DHRS4: variants seen among roughly 807,000 people sequenced by gnomAD.
DHRS4 encodes the protein dehydrogenase/reductase 4.
A neutral mutation model predicts 28.4 loss-of-function variants in DHRS4; 20 were observed. That is an observed-to-expected ratio of 0.71 (90% confidence interval 0.50 to 1.02). The LOEUF (loss-of-function observed/expected upper bound fraction) is 1.02, where lower values mean the gene tolerates loss of function less well. Among genes scored for constraint, DHRS4 ranks in the 50% least tolerant of loss-of-function variants. DHRS4 has a pLI of 0.00. For synonymous variants in DHRS4, 144 were observed against 146.4 expected, an observed-to-expected ratio of 0.98 and a Z score of 0.12; for missense variants, 378 against 367.2, an observed-to-expected ratio of 1.03 and a Z score of -0.24.
intron 2 of DHRS4, among the ~76,000 whole-genome samples, chr14:23,956,784 G>A (rs112772981): frequency 0.23 from 34,624 of 151,634 alleles, 9,560 homozygotes; most frequent in African/African-American, 0.67. Context: ...TTGTATTTTT[G>A]GTAGAGACAG....
chr14:23,968,331 T>C (rs1002236431), intron 7 of DHRS4, among the ~76,000 whole-genome samples: 2 of 150,714 alleles, frequency 1.3e-5, no homozygotes, highest in Non-Finnish European at 2.9e-5. Flanking sequence ...TATAGATTCC[T>C]GAAAAAGTTC....
chr14:23,966,929 G>A (rs1237563865), intron 6 of DHRS4, among the ~76,000 whole-genome samples: 4 of 152,260 alleles, frequency 2.6e-5, no homozygotes, highest in African/African-American at 4.8e-5. Flanking sequence ...GCCGAGGCGG[G>A]CAGATCACGA....
At chr14:23,968,481 T>G (rs1038807993) in intron 7 of DHRS4, among the ~76,000 whole-genome samples, 7 of 150,754 alleles carry the variant, frequency 4.6e-5, no homozygotes, top group African/African-American at 1.2e-4. Context: ...TCTATATAAC[T>G]TTGGATTTTG....
intron 2 of DHRS4, among the ~76,000 whole-genome samples, chr14:23,959,090 G>C (rs1332845505): frequency 3.9e-5 from 6 of 152,278 alleles, no homozygotes; most frequent in Admixed American, 6.5e-5. Context: ...GAACTGGACA[G>C]TAAGCACTTG....
intron 3 of DHRS4, among the ~76,000 whole-genome samples, chr14:23,963,502 A>G (rs1446277885): frequency 6.8e-6 from 1 of 147,480 alleles, no homozygotes; most frequent in Non-Finnish European, 1.5e-5. Context: ...CTAGCTTCCA[A>G]CTTTTCCGGA....
At position 23,956,671 on chromosome 14, in the gene DHRS4, C is replaced by T. The variant is rs138073047; in HGVS notation, c.306+1459C>T. 5.9e-3 allele frequency among the ~76,000 whole-genome samples: 843 copies of T among 143,820 alleles called. 33 individuals carry two copies. In the East Asian group the frequency reaches 0.12, roughly 20 times the overall value. The allele number at this position is 143,820 out of a possible 152,430, so 94.4% of individuals were successfully genotyped here. The stretch of plus-strand genomic sequence containing the variant: ...CCAGGCTGAAGTGATATGGCACAAT[C>T]TCAGCTCACTGCAACCTCCGCCTCC... On this transcript the variant is annotated intron_variant, in intron 2 of 7. Transcript: ENST00000313250.
At chr14:23,954,887 A>G in intron 1 of DHRS4, 148 bp from the exon 2 acceptor site, 2 of 1,361,668 alleles carry the variant, frequency 1.5e-6, no homozygotes, top group East Asian at 2.5e-5. Flanking sequence ...CATGCCATTA[A>G]GCCTGTTTTA....
At chr14:23,959,400 A>G (rs925526899) in intron 2 of DHRS4, among the ~76,000 whole-genome samples, 24 of 152,172 alleles carry the variant, frequency 1.6e-4, no homozygotes, top group African/African-American at 5.8e-4. Context: ...TCTATAAAAA[A>G]TACAAAAATT....
At chr14:23,968,701 G>A in intron 7 of DHRS4, 56 bp from the exon 8 acceptor site, 3 of 1,594,422 alleles carry the variant, frequency 1.9e-6, no homozygotes, top group Admixed American at 3.5e-5. Context: ...TGTCCCAGGT[G>A]AGGGAGGCAG....
chr14:23,960,468 C>T (rs2033372084), intron 3 of DHRS4, among the ~76,000 whole-genome samples: 1 of 152,006 alleles, frequency 6.6e-6, no homozygotes, highest in Admixed American at 6.6e-5. Context: ...CCAGTTGCCA[C>T]TTTATAACAT....
intron 2 of DHRS4, among the ~76,000 whole-genome samples, chr14:23,958,313 C>T (rs2033257736): frequency 6.6e-6 from 1 of 152,146 alleles, no homozygotes; most frequent in Non-Finnish European, 1.5e-5. Flanking sequence ...AGATGGTGTA[C>T]ATTGTTAGTA....
At chr14:23,967,035 A>C (rs956848854) in intron 6 of DHRS4, among the ~76,000 whole-genome samples, 176 bp from the exon 7 acceptor site, 5 of 151,996 alleles carry the variant, frequency 3.3e-5, no homozygotes, top group African/African-American at 1.2e-4. Flanking sequence ...AGCGCCTGTA[A>C]TCCCAGCTAC....
Position 23,955,071 on chromosome 14 carries a change from C to T in DHRS4, c.165C>T (p.Asp55=), listed in dbSNP as rs527652442. 3.7e-6 allele frequency: 6 copies of T among 1,614,168 alleles called. No individual in the cohort carries two copies. The highest frequency in any genetic ancestry group is 2.7e-5 in the African/African-American group (2 of 75,064). Residue 55 remains aspartate (D), a synonymous_variant, in exon 2 of 8, where the codon GAC becomes GAT. Transcript: ENST00000313250. ...GFAIARRLAQ[D]GAHVVVSSRK... ...CCATCGCCCGGCGTTTGGCCCAGGA[C>T]GGGGCCCATGTGGTCGTCAGCAGCC...
rs2033754220 is a variant in DHRS4 at position 23,968,935 on chromosome 14, C to T, written c.*64C>T. The T allele has an allele frequency of 1.3e-6, 2 of 1,596,862 alleles. No individual in the cohort carries two copies. Among genetic ancestry groups the T allele is most frequent in the Non-Finnish European group, 1.7e-6 (2 of 1,171,422 alleles). On this transcript the variant is annotated 3_prime_UTR_variant, in exon 8 of 8. Transcript: ENST00000313250. ...GCTCCTGGTGCTGTTCCCGCATTCA[C>T]CCACTGGCCTTTCCCACCTCTGCTC...
At chr14:23,968,315 C>G (rs2033708503) in intron 7 of DHRS4, among the ~76,000 whole-genome samples, 1 of 150,568 alleles carries the variant, frequency 6.6e-6, no homozygotes, top group South Asian at 2.1e-4. Flanking sequence ...GACTTTAAGG[C>G]ACAAGTATAG....
chr14:23,959,159 G>T (rs1201032586), intron 2 of DHRS4, among the ~76,000 whole-genome samples: 1 of 152,200 alleles, frequency 6.6e-6, no homozygotes, highest in African/African-American at 2.4e-5. Context: ...AATAGATTTT[G>T]GGGTGAGACT....
chr14:23,968,687 C>G, intron 7 of DHRS4, 70 bp from the exon 8 acceptor site: 1 of 1,578,634 alleles, frequency 6.3e-7, no homozygotes, highest in South Asian at 1.2e-5. Context: ...AATTTAACTC[C>G]CTGTGTCCCA....
At chr14:23,965,856 G>C in intron 4 of DHRS4, 24 bp downstream of exon 4, 1 of 1,606,812 alleles carries the variant, frequency 6.2e-7, no homozygotes. Context: ...GAGAGAGCCT[G>C]GGTGAGAGGG....
chr14:23,958,763 G>T (rs1476796829), intron 2 of DHRS4, among the ~76,000 whole-genome samples: 1 of 152,136 alleles, frequency 6.6e-6, no homozygotes, highest in Non-Finnish European at 1.5e-5. Flanking sequence ...AATTAGCTCT[G>T]TGCTACAAAG....
Sources: allele counts gnomAD v4.1 joint callset (sites outside exome capture counted in the v4.1 genomes callset), GRCh38; gene constraint gnomAD v4.1.1; transcripts MANE v1.5; gene names NCBI Gene and HGNC (gene_info 2026-07-23, HGNC 2026-07-21).